The following DNM3 variants were observed in gnomAD, a reference collection of about 807,000 sequenced individuals.
DNM3 encodes dynamin-3.
DNM3 carries 47 observed loss-of-function variants against 101.6 expected under a neutral mutation model. That is an observed-to-expected ratio of 0.46 (90% confidence interval 0.37 to 0.59). The LOEUF (loss-of-function observed/expected upper bound fraction) is 0.59. Among genes scored for constraint, DNM3 ranks in the 20% least tolerant of loss-of-function variants. The pLI is 0.00. For missense variants in DNM3, 849 were observed against 1,085.7 expected, an observed-to-expected ratio of 0.78 and a Z score of 3.06; for synonymous variants, 385 against 387.9, an observed-to-expected ratio of 0.99 and a Z score of 0.09.
chr1:172,304,506 T>C (rs943663414), intron 15 of DNM3, among the ~76,000 whole-genome samples: 33 of 152,238 alleles, frequency 2.2e-4, no homozygotes, highest in Admixed American at 7.2e-4. Flanking sequence ...TATCAAGGAA[T>C]TGAACTCAGC....
At chr1:172,015,892 T>C (rs2047416114) in intron 4 of DNM3, among the ~76,000 whole-genome samples, 2 of 152,112 alleles carry the variant, frequency 1.3e-5, no homozygotes, top group Admixed American at 6.6e-5. Context: ...AAGAATGATG[T>C]TGGATGGGCA....
chr1:171,988,822 A>G lies in DNM3; in HGVS notation c.386-123A>G. ...TTTTATTTTATGCTCTTTATTCTAC[A>G]CACATGGGTTGGAGTTGTTCAGATA... is the stretch of plus-strand genomic sequence containing the variant. On this transcript the variant is annotated intron_variant, in intron 3 of 20. Coordinates refer to ENST00000627582, the MANE Select transcript of DNM3 (RefSeq NM_015569.5). 4 of 760,542 alleles carry G rather than the reference A, an allele frequency of 5.3e-6. 1 individual carries two copies. In the South Asian group the frequency reaches 8.9e-5, roughly 17 times the overall value. The allele number at this position is 760,542 out of a possible 1,614,324, so 47.1% of individuals were successfully genotyped here.
At chr1:172,086,400 T>C (rs576378524) in intron 12 of DNM3, among the ~76,000 whole-genome samples, 1 of 152,262 alleles carries the variant, frequency 6.6e-6, no homozygotes, top group East Asian at 1.9e-4. Flanking sequence ...TTGGATAATA[T>C]AAAAGAACAG....
chr1:172,323,809 G>A (rs2065830141), intron 17 of DNM3, among the ~76,000 whole-genome samples: 1 of 152,124 alleles, frequency 6.6e-6, no homozygotes. Context: ...AACTAGATCA[G>A]TGTTCTGGCT....
At chr1:172,203,291 C>T (rs1204266748) in intron 14 of DNM3, among the ~76,000 whole-genome samples, 1 of 152,126 alleles carries the variant, frequency 6.6e-6, no homozygotes, top group African/African-American at 2.4e-5. Flanking sequence ...TGTGAGCCCT[C>T]AAGTGCTGCA....
In DNM3 at chr1:172,408,144, G is replaced by T; in HGVS notation, c.*303G>T. 2 of 1,152,380 alleles carry T rather than the reference G, an allele frequency of 1.7e-6. No homozygotes were observed. Among genetic ancestry groups the T allele is most frequent in the South Asian group, 6.2e-5 (2 of 32,024 alleles). 71.4% of individuals were successfully genotyped at this position (1,152,380 alleles called of 1,614,324 possible). On this transcript the variant is annotated 3_prime_UTR_variant, in exon 21 of 21. Transcript: ENST00000627582. ...ATGGCATATATTTGAAATTGCTTTG[G>T]ACAAGTTTTCTAGGCTATCTACCAG... is the stretch of plus-strand genomic sequence containing the variant.
chr1:172,181,164 A>C (rs1361920016), intron 14 of DNM3, among the ~76,000 whole-genome samples: 1 of 152,108 alleles, frequency 6.6e-6, no homozygotes, highest in African/African-American at 2.4e-5. Context: ...CTTTTAAAAT[A>C]AAGATGCTTC....
At chr1:172,289,907 C>A in intron 15 of DNM3, 1 of 963,230 alleles carries the variant, frequency 1.0e-6, no homozygotes, top group South Asian at 4.8e-5. Flanking sequence ...TTTTCTTTAA[C>A]TGTAGATATG....
chr1:172,083,730 G>GT (rs2053324278), intron 12 of DNM3, among the ~76,000 whole-genome samples: 1 of 151,984 alleles, frequency 6.6e-6, no homozygotes, highest in Non-Finnish European at 1.5e-5. Context: ...ATGAGCTAGA[G>GT]TTTCTTTTCC....
chr1:171,920,502 T>G (rs2040072346), intron 1 of DNM3, among the ~76,000 whole-genome samples: 1 of 152,242 alleles, frequency 6.6e-6, no homozygotes, highest in Admixed American at 6.5e-5. Flanking sequence ...TCAGGATGAG[T>G]CCTGGGTGTC....
At chr1:172,315,591 G>C (rs1435753660) in intron 16 of DNM3, among the ~76,000 whole-genome samples, 1 of 152,252 alleles carries the variant, frequency 6.6e-6, no homozygotes, top group African/African-American at 2.4e-5. Flanking sequence ...CGTGAAGAAT[G>C]CAGAAGCCTC....
intron 14 of DNM3, among the ~76,000 whole-genome samples, chr1:172,215,705 T>C (rs1044898458): frequency 2.6e-5 from 4 of 152,076 alleles, no homozygotes; most frequent in African/African-American, 9.7e-5. Context: ...ACATATTCGT[T>C]GGACTCAATA....
chr1:172,271,520 C>T (rs893373883), intron 15 of DNM3, among the ~76,000 whole-genome samples: 31 of 151,822 alleles, frequency 2.0e-4, no homozygotes, highest in African/African-American at 6.5e-4. Context: ...CAATCTGTTA[C>T]AATATGTTGT....
intron 13 of DNM3, among the ~76,000 whole-genome samples, chr1:172,100,633 A>G (rs1301803865): frequency 2.0e-5 from 3 of 152,074 alleles, no homozygotes; most frequent in Non-Finnish European, 2.9e-5. Context: ...CGATATCTCT[A>G]TCAGTTAGGA....
chr1:172,385,567 C>T (rs1287595963), intron 18 of DNM3, among the ~76,000 whole-genome samples: 2 of 152,210 alleles, frequency 1.3e-5, no homozygotes. Flanking sequence ...CACTTTATTT[C>T]ACCACAATAA....
intron 15 of DNM3, among the ~76,000 whole-genome samples, chr1:172,266,884 G>A (rs899876464): frequency 2.6e-5 from 4 of 151,988 alleles, no homozygotes; most frequent in East Asian, 1.9e-4. Flanking sequence ...GTAACTTTAC[G>A]TGTGATATAA....
rs2071180333 is a variant in DNM3, at chr1:172,411,134, A to G, written c.*3293A>G. On this transcript the variant is annotated 3_prime_UTR_variant, in exon 21 of 21. Transcript: ENST00000627582. The stretch of plus-strand genomic sequence containing the variant: ...TATGGTTGTAAATATCTATGTATAC[A>G]TGTACTTAGTATGTGTGGTATCAGG... The G allele has an allele frequency of 1.0e-6, 1 of 984,784 alleles. No individual in the cohort carries two copies. The highest frequency in any genetic ancestry group is 1.2e-6 in the Non-Finnish European group (1 of 829,344). The allele number at this position is 984,784 out of a possible 1,614,324, so 61.0% of individuals were successfully genotyped here.
chr1:172,008,809 A>G (rs2125698590), intron 4 of DNM3, among the ~76,000 whole-genome samples: 1 of 134,042 alleles, frequency 7.5e-6, no homozygotes, highest in African/African-American at 2.8e-5. Context: ...TATATAATAT[A>G]TAAATATTAA....
Position 172,181,382 on chromosome 1 carries a change from AC to A in DNM3, c.1659+50095del, listed in dbSNP as rs2059338204. ...CTTTAAAACACTTGAGTTTACACAC[AC>A]ACACACACACACACACACACACACA... On this transcript the variant is annotated intron_variant, in intron 14 of 20. Transcript: ENST00000627582. Among the ~76,000 whole-genome samples the A allele has an allele frequency of 1.9e-4, 9 of 47,278 alleles. No homozygotes were observed. In the African/African-American group the frequency reaches 2.0e-3, roughly 10 times the overall value. The allele number at this position is 47,278 out of a possible 152,430, so 31.0% of individuals were successfully genotyped here.
Sources: gnomAD v4.1 joint callset for allele counts (sites outside exome capture counted in the v4.1 genomes callset) on GRCh38, gnomAD v4.1.1 for gene constraint, MANE v1.5 for transcripts, NCBI Gene and HGNC (gene_info 2026-07-23, HGNC 2026-07-21) for gene names.